The following APBB2 variants were observed in gnomAD, a reference collection of about 807,000 sequenced individuals.
APBB2 encodes the protein amyloid beta precursor protein binding family B member 2.
In APBB2, 38 loss-of-function variants were observed where a neutral mutation model predicts 82.5. The observed-to-expected ratio is 0.46, with a 90% CI of 0.36 to 0.60. The LOEUF is 0.60. Among genes scored for constraint, APBB2 ranks in the 20% least tolerant of loss-of-function variants. APBB2 has a pLI of 0.00. For missense variants in APBB2, 772 were observed against 972.3 expected (o/e 0.79, Z 2.74); for synonymous variants, 341 against 368.2 (o/e 0.93, Z 0.85).
At chr4:41,117,288 TA>T (rs1336867233) in intron 2 of APBB2, among the ~76,000 whole-genome samples, 1 of 136,716 alleles carries the variant, frequency 7.3e-6, no homozygotes, top group African/African-American at 2.8e-5. Context: ...TTGTTATTAT[TA>T]TTATTATTTT....
intron 3 of APBB2, among the ~76,000 whole-genome samples, chr4:41,081,187 A>G (rs1409498811): frequency 6.6e-6 from 1 of 152,268 alleles, no homozygotes; most frequent in Non-Finnish European, 1.5e-5. Flanking sequence ...AATTTATCTC[A>G]GTCAATCCCA....
chr4:41,084,261 C>G (rs899729515), intron 3 of APBB2, among the ~76,000 whole-genome samples: 1 of 152,030 alleles, frequency 6.6e-6, no homozygotes, highest in Admixed American at 6.6e-5. Flanking sequence ...CCTGTTTCTA[C>G]TGAAAATACA....
chr4:41,147,167 GGTGA>G (rs143174521), intron 1 of APBB2, among the ~76,000 whole-genome samples: 2 of 152,226 alleles, frequency 1.3e-5, no homozygotes, highest in Non-Finnish European at 2.9e-5. Flanking sequence ...ATAGCTTTGT[GGTGA>G]GTATTGTTCC....
At chr4:40,914,167 A>G (rs142488963) in intron 10 of APBB2, among the ~76,000 whole-genome samples, 98 of 152,116 alleles carry the variant, frequency 6.4e-4, no homozygotes, top group African/African-American at 1.8e-3. Context: ...TCAGGAGATC[A>G]AGACCATCCT....
At chr4:40,903,181 C>T (rs2154358110) in intron 10 of APBB2, among the ~76,000 whole-genome samples, 1 of 152,060 alleles carries the variant, frequency 6.6e-6, no homozygotes, top group Non-Finnish European at 1.5e-5. Flanking sequence ...TAAAAATGGG[C>T]CAGGTGTGGT....
chr4:40,928,716 C>T (rs2154372171), intron 10 of APBB2, among the ~76,000 whole-genome samples: 1 of 151,852 alleles, frequency 6.6e-6, no homozygotes, highest in African/African-American at 2.4e-5. Flanking sequence ...GAAACCCTGT[C>T]TCTACTAAAA....
rs1744822447 is a variant in APBB2 at position 40,813,414 on chromosome 4, T to C, written c.*2678A>G. The C allele has an allele frequency of 2.6e-5, 4 of 152,212 alleles. No individual in the cohort carries two copies. In the South Asian group the frequency reaches 8.3e-4, roughly 32 times the overall value. The allele number at this position is 152,212 out of a possible 1,614,324, so 9.4% of individuals were successfully genotyped here. A position where few individuals can be genotyped will look rare whatever the true frequency, so the allele number is the denominator to read the frequency against. On this transcript the variant is annotated 3_prime_UTR_variant, in exon 18 of 18. Transcript: ENST00000508593. ...CCGAATCACAGATCTAAAGAATGCA[T>C]AGATAACTGAAGTGTCACTAAGATA...
At chr4:41,140,828 T>C (rs1354172156) in intron 2 of APBB2, among the ~76,000 whole-genome samples, 1 of 152,206 alleles carries the variant, frequency 6.6e-6, no homozygotes, top group Non-Finnish European at 1.5e-5. Flanking sequence ...TATGAGAATG[T>C]AATGCCTCAT....
At chr4:40,893,101 C>T in intron 11 of APBB2, 164 bp downstream of exon 11, 1 of 728,888 alleles carries the variant, frequency 1.4e-6, no homozygotes, top group Non-Finnish European at 2.2e-6. Flanking sequence ...GCTAAGGGAT[C>T]AGTCACACGG....
intron 10 of APBB2, among the ~76,000 whole-genome samples, chr4:40,895,261 G>A (rs546419964): frequency 6.6e-6 from 1 of 152,340 alleles, no homozygotes; most frequent in Non-Finnish European, 1.5e-5. Flanking sequence ...CGTCCCAGAG[G>A]AGAAGTGTGA....
At chr4:40,846,600 C>G (rs1219542384) in intron 12 of APBB2, among the ~76,000 whole-genome samples, 1 of 152,166 alleles carries the variant, frequency 6.6e-6, no homozygotes, top group Non-Finnish European at 1.5e-5. Flanking sequence ...CGTCTCTGAC[C>G]AAGTGTGCCT....
intron 5 of APBB2, among the ~76,000 whole-genome samples, chr4:41,026,934 C>T (rs955502800): frequency 2.0e-5 from 3 of 151,998 alleles, no homozygotes; most frequent in Non-Finnish European, 2.9e-5. Context: ...ACCTTCAGGT[C>T]TCTCAAAAAA....
intron 1 of APBB2, among the ~76,000 whole-genome samples, chr4:41,154,400 A>C (rs1244474932): frequency 1.3e-5 from 2 of 152,248 alleles, no homozygotes; most frequent in African/African-American, 4.8e-5. Flanking sequence ...GCCTTAAGGA[A>C]GTCCATTTCC....
At chr4:40,990,935 T>C (rs1337147805) in intron 6 of APBB2, among the ~76,000 whole-genome samples, 2 of 149,642 alleles carry the variant, frequency 1.3e-5, no homozygotes, top group African/African-American at 4.9e-5. Context: ...AAACCCTGAA[T>C]GGGGGTTGGG....
At chr4:40,838,570 C>T (rs748600910) in intron 12 of APBB2, among the ~76,000 whole-genome samples, 1 of 152,102 alleles carries the variant, frequency 6.6e-6, no homozygotes, top group Non-Finnish European at 1.5e-5. Flanking sequence ...CTCCTGACCT[C>T]GTGATCCGCC....
At chr4:40,862,081 C>T (rs1387758549) in intron 12 of APBB2, among the ~76,000 whole-genome samples, 2 of 152,158 alleles carry the variant, frequency 1.3e-5, no homozygotes, top group Non-Finnish European at 2.9e-5. Flanking sequence ...CCCCAAGTAG[C>T]ATAGAAAAAT....
chr4:41,160,028 A>G (rs567751599), intron 1 of APBB2, among the ~76,000 whole-genome samples: 15 of 147,632 alleles, frequency 1.0e-4, no homozygotes, highest in African/African-American at 2.4e-4. Context: ...AAGAAGAAGA[A>G]GAAGAAGAAA....
At chr4:40,979,215 T>C (rs556461067) in intron 6 of APBB2, among the ~76,000 whole-genome samples, 18 of 152,322 alleles carry the variant, frequency 1.2e-4, no homozygotes, top group Non-Finnish European at 2.1e-4. Context: ...TAATTTGAGA[T>C]CTCTAGAAAT....
At chr4:41,033,336 A>G in intron 4 of APBB2, 32 bp from the exon 5 acceptor site, 4 of 1,331,078 alleles carry the variant, frequency 3.0e-6, no homozygotes, top group Non-Finnish European at 4.2e-6. Flanking sequence ...AGAAATTAAA[A>G]CTCCAAATAA....
Sources: gnomAD v4.1 joint callset for allele counts (sites outside exome capture counted in the v4.1 genomes callset) on GRCh38, gnomAD v4.1.1 for gene constraint, MANE v1.5 for transcripts, NCBI Gene and HGNC (gene_info 2026-07-23, HGNC 2026-07-21) for gene names.